The following NYAP2 variants were observed in gnomAD, a reference collection of about 807,000 sequenced individuals.
NYAP2 encodes the protein neuronal tyrosine-phosphorylated phosphoinositide-3-kinase adaptor 2, also known as neuronal tyrosine-phosphorylated phosphoinositide-3-kinase adapter 2.
In NYAP2, 23 loss-of-function variants were observed where a neutral mutation model predicts 50.4. The ratio of observed to expected loss-of-function variants is 0.46; its 90% confidence interval spans 0.33 to 0.65. The LOEUF is 0.65. Ranked by LOEUF, NYAP2 falls within the 30% of genes least tolerant of loss-of-function variation. NYAP2 has a pLI of 0.02. For missense variants in NYAP2, 885 were observed against 861.0 expected (o/e 1.03, Z -0.35); for synonymous variants, 394 against 365.2 (o/e 1.08, Z -0.90).
chr2:225,531,254 T>C (rs1340472616), intron 4 of NYAP2, among the ~76,000 whole-genome samples: 2 of 152,222 alleles, frequency 1.3e-5, no homozygotes, highest in Non-Finnish European at 2.9e-5. Context: ...AAACCATGCT[T>C]GTTCCTGCCT....
At chr2:225,586,922 T>A (rs1692398341) in intron 5 of NYAP2, among the ~76,000 whole-genome samples, 2 of 152,190 alleles carry the variant, frequency 1.3e-5, no homozygotes, top group Non-Finnish European at 2.9e-5. Context: ...TTTAATTGAC[T>A]CACAGTTCCA....
chr2:225,587,733 C>T (rs1692413245), intron 5 of NYAP2, among the ~76,000 whole-genome samples: 1 of 151,610 alleles, frequency 6.6e-6, no homozygotes. Context: ...AGGCATGGGG[C>T]ATGGTGGAGC....
chr2:225,574,998 T>C (rs916810765), intron 4 of NYAP2, among the ~76,000 whole-genome samples: 6 of 152,166 alleles, frequency 3.9e-5, no homozygotes, highest in African/African-American at 1.4e-4. Context: ...TCATTTCTGC[T>C]TGAGAACTAA....
chr2:225,635,881 G>A (rs1045796509), intron 6 of NYAP2, among the ~76,000 whole-genome samples: 2 of 152,196 alleles, frequency 1.3e-5, no homozygotes, highest in African/African-American at 4.8e-5. Flanking sequence ...AAACCAGGTT[G>A]TCAAGGATGT....
intron 3 of NYAP2, among the ~76,000 whole-genome samples, chr2:225,428,068 A>G: frequency 6.6e-6 from 1 of 152,088 alleles, no homozygotes; most frequent in East Asian, 1.9e-4. Context: ...TGGGTATGCA[A>G]AAGGGGTTGA....
chr2:225,587,271 A>T (rs887676806), intron 5 of NYAP2, among the ~76,000 whole-genome samples: 1 of 152,226 alleles, frequency 6.6e-6, no homozygotes, highest in Admixed American at 6.5e-5. Context: ...AAAGTACAAG[A>T]TCTACTGAAG....
intron 3 of NYAP2, among the ~76,000 whole-genome samples, chr2:225,488,345 C>T (rs1342028253): frequency 6.6e-6 from 1 of 152,146 alleles, no homozygotes; most frequent in East Asian, 1.9e-4. Flanking sequence ...AAGCCAATCA[C>T]ATAAACATAA....
At chr2:225,614,308 T>C (rs181533056) in intron 5 of NYAP2, among the ~76,000 whole-genome samples, 2 of 152,300 alleles carry the variant, frequency 1.3e-5, no homozygotes, top group East Asian at 3.9e-4. Flanking sequence ...AAAATAATCA[T>C]TTTTTAAACT....
Position 225,519,212 on chromosome 2 carries a change from TATG to T in NYAP2, c.523+5543_523+5545del, listed in dbSNP as rs1559202780. Reference sequence around the variant, plus strand: ...TTCCCAAGGCATAATCTTTTAATAATATGATATTAACATAGTATTTAGTATAAA... The same window carrying T: ...TTCCCAAGGCATAATCTTTTAATAATATATTAACATAGTATTTAGTATAAA... On this transcript the variant is annotated intron_variant, in intron 4 of 6. Transcript: ENST00000636099. 2.6e-5 allele frequency among the ~76,000 whole-genome samples: 4 copies of T among 152,088 alleles called. No homozygotes were observed. In the South Asian group the frequency reaches 8.3e-4, roughly 31 times the overall value.
At chr2:225,597,577 C>T (rs1243237228) in intron 5 of NYAP2, among the ~76,000 whole-genome samples, 6 of 126,282 alleles carry the variant, frequency 4.8e-5, no homozygotes, top group Non-Finnish European at 8.4e-5. Context: ...ACATTTGGGC[C>T]GGTTCCATAT....
At chr2:225,517,415 A>T (rs921156752) in intron 4 of NYAP2, among the ~76,000 whole-genome samples, 2 of 152,196 alleles carry the variant, frequency 1.3e-5, no homozygotes, top group African/African-American at 4.8e-5. Flanking sequence ...TTCCTCAGGT[A>T]AACACATAGC....
In NYAP2 at chr2:225,409,216, T is replaced by A. The variant is rs1290917114; in HGVS notation, c.221+115T>A. 5.5e-6 allele frequency: 4 copies of A among 722,212 alleles called. No individual in the cohort carries two copies. The African/African-American group carries it at 7.2e-5, about 13-fold the overall frequency. The allele number at this position is 722,212 out of a possible 1,614,324, so 44.7% of individuals were successfully genotyped here. ...AAGGTCTTCCAGAGTCAGTTAGACTTGGTGAGAGCATATGAAAGCGACCCC... is the reference window on the plus strand; with the variant it reads ...AAGGTCTTCCAGAGTCAGTTAGACTAGGTGAGAGCATATGAAAGCGACCCC... On this transcript the variant is annotated intron_variant, in intron 3 of 6. Transcript: ENST00000636099.
chr2:225,651,623 A>T, exon 7 of NYAP2: 1 of 1,595,834 alleles, frequency 6.3e-7, no homozygotes, highest in East Asian at 2.2e-5. Flanking sequence ...GTTGCTGTAG[A>T]CAACTTTCGC....
the NYAP2 span, among the ~76,000 whole-genome samples, chr2:225,661,984 A>G: frequency 6.6e-6 from 1 of 152,130 alleles, no homozygotes; most frequent in African/African-American, 2.4e-5. Context: ...TCGGCCTCCC[A>G]AAGTGCTGGA....
At chr2:225,645,577 G>C (rs12694674) in intron 6 of NYAP2, among the ~76,000 whole-genome samples, 26,989 of 151,826 alleles carry the variant, frequency 0.18, 2,798 homozygotes, top group East Asian at 0.42. Flanking sequence ...GCACAAGTGA[G>C]TCAACTTTTA....
At chr2:225,611,698 C>T (rs76635211) in intron 5 of NYAP2, among the ~76,000 whole-genome samples, 4,805 of 151,970 alleles carry the variant, frequency 0.032, 237 homozygotes, top group African/African-American at 0.11. Context: ...TAATTATTTT[C>T]TCCCTACCTT....
chr2:225,547,064 C>CT (rs1691597641), intron 4 of NYAP2, among the ~76,000 whole-genome samples: 1 of 152,082 alleles, frequency 6.6e-6, no homozygotes, highest in Non-Finnish European at 1.5e-5. Context: ...GTCCACAAAG[C>CT]TAGAAAAAAG....
At chr2:225,628,478 C>G (rs992086235) in intron 6 of NYAP2, among the ~76,000 whole-genome samples, 5 of 151,840 alleles carry the variant, frequency 3.3e-5, no homozygotes, top group Admixed American at 2.0e-4. Flanking sequence ...CCCACCACCA[C>G]GCCCAGCTAA....
In NYAP2 at chr2:225,400,522, T is replaced by C. The variant is rs372225490; in HGVS notation, c.-500-39T>C. ...TGAAAGGAGACATTTAGAAAGGATG[T>C]TTCTGATTTTTTGTTTTCATTTATT... is the stretch of plus-strand genomic sequence containing the variant. On this transcript the variant is annotated intron_variant, in intron 1 of 6. Transcript: ENST00000636099. 3 of 152,148 alleles carry C rather than the reference T, an allele frequency of 2.0e-5. No individual in the cohort carries two copies. In the South Asian group the frequency reaches 6.2e-4, roughly 32 times the overall value. 9.4% of individuals were successfully genotyped at this position (152,148 alleles called of 1,614,324 possible). A position where few individuals can be genotyped will look rare whatever the true frequency, so the allele number is the denominator to read the frequency against.
Sources: allele counts gnomAD v4.1 joint callset (sites outside exome capture counted in the v4.1 genomes callset), GRCh38; gene constraint gnomAD v4.1.1; transcripts MANE v1.5; gene names NCBI Gene and HGNC (gene_info 2026-07-23, HGNC 2026-07-21).